The following TNR variants were observed in gnomAD, a reference collection of about 807,000 sequenced individuals.
TNR encodes the protein tenascin R.
Under a neutral mutation model 150.4 loss-of-function variants are expected in TNR, and 45 were observed. The ratio of observed to expected loss-of-function variants is 0.30; its 90% CI spans 0.24 to 0.38. TNR has a LOEUF of 0.38. Ranked by LOEUF, TNR falls within the 10% of genes least tolerant of loss-of-function variation. The pLI, the probability that TNR is intolerant of heterozygous loss-of-function variation, is 1.00. For synonymous variants in TNR, 687 were observed against 678.4 expected (o/e 1.01, Z -0.20); for missense variants, 1,544 against 1,759.1 (o/e 0.88, Z 2.19).
chr1:175,404,495 A>G (rs1653861499), intron 3 of TNR, among the ~76,000 whole-genome samples: 1 of 152,224 alleles, frequency 6.6e-6, no homozygotes, highest in South Asian at 2.1e-4. Flanking sequence ...TCTGCCTAGC[A>G]TGATTCAAGT....
At chr1:175,592,011 A>G (rs548617190) in intron 1 of TNR, among the ~76,000 whole-genome samples, 1 of 152,350 alleles carries the variant, frequency 6.6e-6, no homozygotes, top group East Asian at 1.9e-4. Flanking sequence ...TAAATAAAAA[A>G]TAAACTTCTA....
chr1:175,487,183 C>T (rs1658052382), intron 2 of TNR, among the ~76,000 whole-genome samples: 1 of 152,152 alleles, frequency 6.6e-6, no homozygotes, highest in Non-Finnish European at 1.5e-5. Context: ...GTGTTTTAGT[C>T]AGGTACTAGG....
chr1:175,495,802 G>A (rs1346504172), intron 2 of TNR, among the ~76,000 whole-genome samples: 1 of 152,216 alleles, frequency 6.6e-6, no homozygotes, highest in Non-Finnish European at 1.5e-5. Context: ...GTGGCGAGAA[G>A]CTGGGACCTG....
chr1:175,565,815 T>C (rs1048765062), intron 1 of TNR, among the ~76,000 whole-genome samples: 2 of 152,212 alleles, frequency 1.3e-5, no homozygotes, highest in African/African-American at 2.4e-5. Context: ...TGGTGTATCA[T>C]ACAATGAAAT....
At chr1:175,329,215 A>T (rs1379929584) in intron 21 of TNR, among the ~76,000 whole-genome samples, 1 of 152,278 alleles carries the variant, frequency 6.6e-6, no homozygotes, top group Non-Finnish European at 1.5e-5. Context: ...ATTATACACC[A>T]GCATTTAACC....
At chr1:175,344,167 T>A (rs540858733) in intron 18 of TNR, among the ~76,000 whole-genome samples, 51 of 152,304 alleles carry the variant, frequency 3.3e-4, no homozygotes, top group Non-Finnish European at 5.3e-4. Context: ...AGGCTTTGGT[T>A]TGTGGCTAAC....
chr1:175,623,458 T>G (rs1167327719), intron 1 of TNR, among the ~76,000 whole-genome samples: 1 of 152,160 alleles, frequency 6.6e-6, no homozygotes, highest in Non-Finnish European at 1.5e-5. Flanking sequence ...TTGTTGGAGG[T>G]GCAGGAGGTG....
At chr1:175,691,062 C>A (rs1274789433) in intron 1 of TNR, among the ~76,000 whole-genome samples, 1 of 151,650 alleles carries the variant, frequency 6.6e-6, no homozygotes, top group Non-Finnish European at 1.5e-5. Context: ...TCTTTGGGGC[C>A]ATTTTAAACT....
chr1:175,406,330 T>A lies in TNR; in HGVS notation c.385A>T (p.Ser129Cys). 1 of 1,614,160 alleles carries A rather than the reference T, an allele frequency of 6.2e-7. No individual in the cohort carries two copies. Among genetic ancestry groups the A allele is most frequent in the Non-Finnish European group, 8.5e-7 (1 of 1,180,020 alleles). The change falls in exon 3 of 23, where the codon AGT becomes TGT. Residue 129 changes from serine (S) to cysteine (C), a missense_variant. This residue lies in a region of TNR where 1,254 missense variants were observed against 1,329.4 expected (regional missense o/e 0.94). Coordinates refer to ENST00000367674, the MANE Select transcript of TNR (RefSeq NM_003285.3). Reference protein sequence around the residue: ...NFPKKACPCASSAQVLQELLS... With the variant: ...NFPKKACPCACSAQVLQELLS... ...AGCTCCTGCAGCACCTGGGCTGAACTGGCACATGGACAGGCCTTTTTGGGG... is the reference window on the plus strand; with the variant it reads ...AGCTCCTGCAGCACCTGGGCTGAACAGGCACATGGACAGGCCTTTTTGGGG...
chr1:175,563,350 G>A (rs1264195633), intron 1 of TNR, among the ~76,000 whole-genome samples: 1 of 152,224 alleles, frequency 6.6e-6, no homozygotes, highest in Admixed American at 6.5e-5. Context: ...ATTACTTGCA[G>A]TATTTTCTGG....
At chr1:175,372,599 A>G (rs752837805) in intron 9 of TNR, among the ~76,000 whole-genome samples, 14 of 152,266 alleles carry the variant, frequency 9.2e-5, no homozygotes, top group Non-Finnish European at 1.8e-4. Context: ...GTGGTGATAA[A>G]GGCAGAATGA....
chr1:175,518,424 C>T (rs1302726340), intron 2 of TNR, among the ~76,000 whole-genome samples: 1 of 152,164 alleles, frequency 6.6e-6, no homozygotes, highest in African/African-American at 2.4e-5. Flanking sequence ...CATGTCTCCC[C>T]CTACAGTCCT....
chr1:175,366,388 T>C (rs1420830268), intron 10 of TNR, among the ~76,000 whole-genome samples: 1 of 152,238 alleles, frequency 6.6e-6, no homozygotes, highest in Non-Finnish European at 1.5e-5. Context: ...CATCCACCTC[T>C]GGGACAAAGC....
intron 1 of TNR, among the ~76,000 whole-genome samples, chr1:175,682,324 A>G (rs1335118390): frequency 6.6e-6 from 1 of 152,140 alleles, no homozygotes; most frequent in African/African-American, 2.4e-5. Flanking sequence ...CTAAATCCTC[A>G]CAATGACTCT....
At position 175,541,110 on chromosome 1, in the gene TNR, T is replaced by C. The variant is rs1426439282; in HGVS notation, c.-164-12741A>G. Reference sequence around the variant, plus strand: ...CTGGTTACTATTTATTCTCCAGAATTCACCTCCTCCGAGAAGACGTCCTGA... The same window carrying C: ...CTGGTTACTATTTATTCTCCAGAATCCACCTCCTCCGAGAAGACGTCCTGA... On this transcript the variant is annotated intron_variant, in intron 1 of 22. Coordinates refer to ENST00000367674, the MANE Select transcript of TNR (RefSeq NM_003285.3). Among the ~76,000 whole-genome samples, 4 of 152,316 alleles carry C rather than the reference T, an allele frequency of 2.6e-5. 1 individual carries two copies. The highest frequency in any genetic ancestry group is 9.6e-5 in the African/African-American group (4 of 41,568).
intron 1 of TNR, among the ~76,000 whole-genome samples, chr1:175,699,188 T>G (rs989093192): frequency 6.6e-6 from 1 of 152,156 alleles, no homozygotes; most frequent in Non-Finnish European, 1.5e-5. Context: ...CCAGGCTGAC[T>G]TCAAGGTTTT....
chr1:175,540,396 G>T (rs577108866), intron 1 of TNR, among the ~76,000 whole-genome samples: 1 of 152,278 alleles, frequency 6.6e-6, no homozygotes, highest in African/African-American at 2.4e-5. Flanking sequence ...TCAGAACTTG[G>T]GGATGGTGAG....
intron 1 of TNR, among the ~76,000 whole-genome samples, chr1:175,692,045 T>C (rs1022661155): frequency 3.3e-5 from 5 of 152,186 alleles, no homozygotes. Flanking sequence ...ATCGGCAAAG[T>C]AGTTCGGTTC....
intron 1 of TNR, among the ~76,000 whole-genome samples, chr1:175,619,809 G>A (rs535413146): frequency 6.6e-6 from 1 of 152,292 alleles, no homozygotes; most frequent in African/African-American, 2.4e-5. Flanking sequence ...GAGGAAAAAA[G>A]CATAATACAT....
Sources: allele counts gnomAD v4.1 joint callset (sites outside exome capture counted in the v4.1 genomes callset), GRCh38; gene constraint gnomAD v4.1.1; regional missense constraint gnomAD v4.1.1; transcripts MANE v1.5; gene names NCBI Gene and HGNC (gene_info 2026-07-23, HGNC 2026-07-21).